The following DAB1 variants were observed in gnomAD, a reference collection of about 807,000 sequenced individuals.
DAB1 encodes disabled homolog 1.
In DAB1, 15 loss-of-function variants were observed where a neutral mutation model predicts 64.6. The ratio of observed to expected loss-of-function variants is 0.23; its 90% CI spans 0.16 to 0.36. The LOEUF (loss-of-function observed/expected upper bound fraction) is 0.36, where lower values mean the gene tolerates loss of function less well. Among genes scored for constraint, DAB1 ranks in the 10% least tolerant of loss-of-function variants. The pLI is 1.00. For missense variants in DAB1, 596 were observed against 706.7 expected (o/e 0.84, Z 1.78); for synonymous variants, 235 against 251.9 (o/e 0.93, Z 0.64).
intron 3 of DAB1, among the ~76,000 whole-genome samples, chr1:58,392,761 C>T (rs1265843039): frequency 1.3e-5 from 2 of 152,228 alleles, no homozygotes; most frequent in African/African-American, 4.8e-5. Flanking sequence ...CTGTTCACCT[C>T]TCCACTGAAA....
intron 9 of DAB1, among the ~76,000 whole-genome samples, chr1:57,050,260 A>G (rs1649047861): frequency 6.6e-6 from 1 of 152,138 alleles, no homozygotes; most frequent in African/African-American, 2.4e-5. Context: ...TAGCTTCTTA[A>G]TGGTCTCCTG....
At chr1:58,101,971 C>G (rs1412259360) in intron 5 of DAB1, among the ~76,000 whole-genome samples, 1 of 152,228 alleles carries the variant, frequency 6.6e-6, no homozygotes, top group African/African-American at 2.4e-5. Flanking sequence ...CTACACACAC[C>G]TCCCCATCAT....
intron 5 of DAB1, among the ~76,000 whole-genome samples, chr1:57,997,366 T>C (rs1055251747): frequency 6.6e-6 from 1 of 152,142 alleles, no homozygotes; most frequent in African/African-American, 2.4e-5. Context: ...AAGTCAAAGA[T>C]CTAACTGTGC....
At chr1:57,719,253 C>T (rs1257794334) in intron 6 of DAB1, among the ~76,000 whole-genome samples, 4 of 152,314 alleles carry the variant, frequency 2.6e-5, no homozygotes, top group East Asian at 3.9e-4. Flanking sequence ...AACACTCTTC[C>T]GTGTTCTCCT....
At chr1:57,551,071 A>G (rs1185791580) in intron 7 of DAB1, among the ~76,000 whole-genome samples, 2 of 152,104 alleles carry the variant, frequency 1.3e-5, no homozygotes, top group African/African-American at 4.8e-5. Context: ...GTGCGATGAC[A>G]CTAAGACTAT....
chr1:58,283,346 C>T (rs866523133), intron 4 of DAB1, among the ~76,000 whole-genome samples: 10 of 152,182 alleles, frequency 6.6e-5, no homozygotes, highest in Admixed American at 2.0e-4. Context: ...AGTATCTGCT[C>T]AGCTAGAAAT....
At chr1:57,645,880 C>T (rs866243455) in intron 7 of DAB1, among the ~76,000 whole-genome samples, 5 of 152,130 alleles carry the variant, frequency 3.3e-5, no homozygotes, top group Non-Finnish European at 7.4e-5. Flanking sequence ...GAAGTTTTTA[C>T]ACTTGGGGCC....
chr1:58,372,110 T>G (rs536655937), intron 3 of DAB1, among the ~76,000 whole-genome samples: 1 of 152,224 alleles, frequency 6.6e-6, no homozygotes, highest in African/African-American at 2.4e-5. Flanking sequence ...ACTGACAGCT[T>G]GCGCCAGGCA....
At chr1:57,014,798 T>A in intron 12 of DAB1, 85 bp downstream of exon 12, 3 of 1,104,510 alleles carry the variant, frequency 2.7e-6, no homozygotes, top group Admixed American at 5.2e-5. Flanking sequence ...GCAAGTGAGA[T>A]GAGTTATTTG....
chr1:57,948,297 T>C (rs1570048693), intron 5 of DAB1, among the ~76,000 whole-genome samples: 1 of 152,232 alleles, frequency 6.6e-6, no homozygotes, highest in Non-Finnish European at 1.5e-5. Flanking sequence ...TAAGTCTAAA[T>C]GTTAACATTG....
intron 7 of DAB1, among the ~76,000 whole-genome samples, chr1:57,561,513 A>C (rs562843226): frequency 5.4e-4 from 82 of 152,364 alleles, no homozygotes; most frequent in African/African-American, 1.9e-3. Context: ...GTATACAGAT[A>C]GACTTCTCTG....
intron 2 of DAB1, among the ~76,000 whole-genome samples, chr1:57,154,832 T>A (rs1208364696): frequency 2.0e-5 from 3 of 152,270 alleles, no homozygotes; most frequent in African/African-American, 7.2e-5. Context: ...GTTTGCCATT[T>A]GAATGTCTTC....
intron 2 of DAB1, among the ~76,000 whole-genome samples, chr1:57,249,676 C>A (rs1303325639): frequency 1.3e-5 from 2 of 152,142 alleles, no homozygotes; most frequent in Non-Finnish European, 2.9e-5. Context: ...CCAGCCTCAA[C>A]CTTATGGTCC....
chr1:57,405,201 A>G (rs1683535362), intron 1 of DAB1, among the ~76,000 whole-genome samples: 1 of 152,236 alleles, frequency 6.6e-6, no homozygotes, highest in African/African-American at 2.4e-5. Context: ...CTGTCCAGCA[A>G]ACAGCTAAGA....
chr1:58,034,682 T>G (rs542394448), intron 5 of DAB1, among the ~76,000 whole-genome samples: 1 of 152,194 alleles, frequency 6.6e-6, no homozygotes, highest in Non-Finnish European at 1.5e-5. Flanking sequence ...AGCTCAGAAA[T>G]GATTTCTTCC....
chr1:57,916,582 C>A (rs1024800700), intron 5 of DAB1, among the ~76,000 whole-genome samples: 1 of 152,176 alleles, frequency 6.6e-6, no homozygotes, highest in East Asian at 1.9e-4. Context: ...CTCAAAATAA[C>A]CCTATGAGAA....
intron 7 of DAB1, among the ~76,000 whole-genome samples, chr1:57,505,863 C>G (rs2691433): frequency 0.078 from 11,831 of 151,908 alleles, 1,442 homozygotes; most frequent in African/African-American, 0.26. Flanking sequence ...TAGTGAGGGG[C>G]TTTCTCATTC....
chr1:57,853,762 G>GA (rs1653635425), intron 1 of DAB1, among the ~76,000 whole-genome samples: 1 of 151,972 alleles, frequency 6.6e-6, no homozygotes, highest in East Asian at 1.9e-4. Context: ...AAATCCTGTA[G>GA]AAAAAAATAT....
At chr1:57,783,046 T>TC (rs1177482015) in intron 6 of DAB1, among the ~76,000 whole-genome samples, 1 of 88,882 alleles carries the variant, frequency 1.1e-5, no homozygotes, top group Admixed American at 1.3e-4. Context: ...GCTCTTTCTT[T>TC]CTTTCCTTCC....
Sources: allele counts gnomAD v4.1 joint callset (sites outside exome capture counted in the v4.1 genomes callset), GRCh38; gene constraint gnomAD v4.1.1; transcripts MANE v1.5; gene names NCBI Gene and HGNC (gene_info 2026-07-23, HGNC 2026-07-21).